The following PRELID2 variants were observed in gnomAD, a reference collection of about 807,000 sequenced individuals.
PRELID2 encodes PRELI domain containing 2, also known as PRELI domain-containing protein 2.
A neutral mutation model predicts 28.4 loss-of-function variants in PRELID2; 25 were observed. That is an observed-to-expected ratio of 0.88 (90% CI 0.64 to 1.23). The LOEUF is 1.23. PRELID2 is among the 50% of genes most tolerant of loss of function. PRELID2 has a pLI of 0.00. For synonymous variants in PRELID2, 76 were observed against 71.6 expected (o/e 1.06, Z -0.31); for missense variants, 201 against 214.4 (o/e 0.94, Z 0.39).
the PRELID2 span, among the ~76,000 whole-genome samples, chr5:145,317,257 G>T: frequency 3.9e-5 from 6 of 152,180 alleles, no homozygotes; most frequent in African/African-American, 1.4e-4. Flanking sequence ...GGAACCAGGG[G>T]TTACTCTAGA....
At chr5:145,618,332 G>C (rs1463472334) in intron 1 of PRELID2, among the ~76,000 whole-genome samples, 1 of 152,124 alleles carries the variant, frequency 6.6e-6, no homozygotes, top group East Asian at 1.9e-4. Context: ...GAAGGTCTAG[G>C]GCTGAAGGCT....
intron 1 of PRELID2, among the ~76,000 whole-genome samples, chr5:145,553,165 A>G (rs1468090735): frequency 6.7e-6 from 1 of 149,916 alleles, no homozygotes; most frequent in African/African-American, 2.5e-5. Flanking sequence ...ATTGAAATAT[A>G]TACCAGTTGC....
intron 1 of PRELID2, among the ~76,000 whole-genome samples, chr5:145,833,601 G>T (rs1158760772): frequency 1.3e-5 from 2 of 152,156 alleles, no homozygotes; most frequent in African/African-American, 4.8e-5. Context: ...GAACATATCA[G>T]CAAGCTGACA....
At chr5:145,734,079 G>C (rs1581112902) in intron 1 of PRELID2, among the ~76,000 whole-genome samples, 1 of 152,146 alleles carries the variant, frequency 6.6e-6, no homozygotes, top group Non-Finnish European at 1.5e-5. Context: ...CTCTCCCTTA[G>C]AGCTTCTGGA....
chr5:145,550,424 A>C (rs1213800213), intron 1 of PRELID2, among the ~76,000 whole-genome samples: 1 of 152,162 alleles, frequency 6.6e-6, no homozygotes, highest in African/African-American at 2.4e-5. Flanking sequence ...TAAAAATGTA[A>C]GATTAGCCAG....
At chr5:145,826,713 T>TG (rs985338950) in intron 1 of PRELID2, among the ~76,000 whole-genome samples, 16 of 152,110 alleles carry the variant, frequency 1.1e-4, no homozygotes, top group African/African-American at 3.1e-4. Flanking sequence ...TCCATAATAT[T>TG]GGGGGGGAAT....
chr5:145,404,581 CAGGA>C, the PRELID2 span, among the ~76,000 whole-genome samples: 1 of 152,036 alleles, frequency 6.6e-6, no homozygotes, highest in African/African-American at 2.4e-5. Context: ...GTGGAGAGTG[CAGGA>C]AGAAAGATCC....
chr5:145,467,531 A>T (rs1752012685), downstream of PRELID2, among the ~76,000 whole-genome samples: 3 of 152,186 alleles, frequency 2.0e-5, no homozygotes, highest in Admixed American at 2.0e-4. Flanking sequence ...TTTATGTTAC[A>T]TTAGCTAATA....
chr5:145,562,400 T>C (rs996369158), intron 1 of PRELID2, among the ~76,000 whole-genome samples: 1 of 152,238 alleles, frequency 6.6e-6, no homozygotes. Flanking sequence ...CAATCTCTCC[T>C]TCAATTTTTG....
the PRELID2 span, among the ~76,000 whole-genome samples, chr5:145,395,868 A>G: frequency 6.6e-6 from 1 of 152,050 alleles, no homozygotes. Flanking sequence ...ATTTCCTCCA[A>G]CCAGATAGTC....
At chr5:145,474,280 C>A (rs190856592) in intron 1 of PRELID2, among the ~76,000 whole-genome samples, 2 of 152,304 alleles carry the variant, frequency 1.3e-5, no homozygotes, top group Non-Finnish European at 2.9e-5. Context: ...ACATGCAACT[C>A]CTTACAGTGT....
intron 1 of PRELID2, among the ~76,000 whole-genome samples, chr5:145,505,763 A>G (rs1329928292): frequency 1.3e-5 from 2 of 152,232 alleles, no homozygotes; most frequent in Admixed American, 6.5e-5. Flanking sequence ...TCCCATCAAC[A>G]GAAGAATGGA....
the PRELID2 span, among the ~76,000 whole-genome samples, chr5:145,269,315 A>G: frequency 6.6e-6 from 1 of 152,108 alleles, no homozygotes; most frequent in Non-Finnish European, 1.5e-5. Flanking sequence ...GATCATTGAA[A>G]CAATAAATCT....
chr5:145,347,652 G>A, the PRELID2 span, among the ~76,000 whole-genome samples: 2 of 152,046 alleles, frequency 1.3e-5, no homozygotes, highest in East Asian at 3.9e-4. Context: ...TGAGGTGGTT[G>A]AGGGTTCATT....
At chr5:145,431,467 A>T in the PRELID2 span, among the ~76,000 whole-genome samples, 2 of 152,314 alleles carry the variant, frequency 1.3e-5, no homozygotes, top group East Asian at 1.9e-4. Flanking sequence ...CGAATTTCAA[A>T]GGGAAAAGTG....
At chr5:145,548,921 A>G (rs1027540552) in intron 1 of PRELID2, among the ~76,000 whole-genome samples, 3 of 152,076 alleles carry the variant, frequency 2.0e-5, no homozygotes, top group Non-Finnish European at 4.4e-5. Flanking sequence ...CACATCTGCC[A>G]CTCATTTGTA....
At chr5:145,478,195 G>A (rs1580951884) in intron 1 of PRELID2, among the ~76,000 whole-genome samples, 1 of 152,104 alleles carries the variant, frequency 6.6e-6, no homozygotes, top group Non-Finnish European at 1.5e-5. Context: ...GATGTGGCTA[G>A]TTCAAATAGA....
chr5:145,726,718 C>T (rs1396379850), intron 1 of PRELID2, among the ~76,000 whole-genome samples: 1 of 152,156 alleles, frequency 6.6e-6, no homozygotes, highest in Admixed American at 6.5e-5. Context: ...TGCCTTGCAT[C>T]AGTTCCCTCA....
chr5:145,711,036 G>T (rs1755680019), intron 1 of PRELID2, among the ~76,000 whole-genome samples: 1 of 152,242 alleles, frequency 6.6e-6, no homozygotes, highest in East Asian at 1.9e-4. Context: ...ACTTATCTTT[G>T]TTTACACCCC....
Sources: allele counts gnomAD v4.1 joint callset (sites outside exome capture counted in the v4.1 genomes callset), GRCh38; gene constraint gnomAD v4.1.1; transcripts MANE v1.5; gene names NCBI Gene and HGNC (gene_info 2026-07-23, HGNC 2026-07-21).